SH3GL2: variants seen among roughly 807,000 people sequenced by gnomAD.
SH3GL2 encodes SH3 domain containing GRB2 like 2, endophilin A1, also known as endophilin-A1.
In SH3GL2, 24 loss-of-function variants were observed where a neutral mutation model predicts 46.0. The observed-to-expected ratio is 0.52, with a 90% CI of 0.38 to 0.73. The LOEUF (loss-of-function observed/expected upper bound fraction) is 0.73. SH3GL2 is among the 30% of genes least tolerant of loss of function. The pLI is 0.00. For missense variants in SH3GL2, 413 were observed against 424.2 expected (o/e 0.97, Z 0.23); for synonymous variants, 196 against 147.1 (o/e 1.33, Z -2.40).
intron 1 of SH3GL2, among the ~76,000 whole-genome samples, chr9:17,712,421 T>C (rs1191032300): frequency 1.3e-5 from 2 of 151,864 alleles, no homozygotes; most frequent in Non-Finnish European, 2.9e-5. Flanking sequence ...CTATCTTTTC[T>C]TTCAGAAGTT....
chr9:17,624,956 A>G (rs1588183124), intron 1 of SH3GL2, among the ~76,000 whole-genome samples: 1 of 152,214 alleles, frequency 6.6e-6, no homozygotes, highest in East Asian at 1.9e-4. Context: ...CAATTGGTAA[A>G]TGAGGAATAT....
intron 1 of SH3GL2, among the ~76,000 whole-genome samples, chr9:17,618,263 CAAA>C (rs3837231): frequency 6.6e-6 from 1 of 151,900 alleles, no homozygotes; most frequent in Non-Finnish European, 1.5e-5. Flanking sequence ...ATGCACAGGA[CAAA>C]AAAATACCTC....
At chr9:17,626,720 C>A (rs912954578) in intron 1 of SH3GL2, among the ~76,000 whole-genome samples, 5 of 152,282 alleles carry the variant, frequency 3.3e-5, no homozygotes, top group African/African-American at 1.2e-4. Context: ...GCTCCCATAG[C>A]TTTCTGCAGA....
At chr9:17,647,641 ATAC>A (rs1210734614) in intron 1 of SH3GL2, among the ~76,000 whole-genome samples, 1 of 152,220 alleles carries the variant, frequency 6.6e-6, no homozygotes, top group East Asian at 1.9e-4. Flanking sequence ...GTACCACAGA[ATAC>A]TACTATTACT....
chr9:17,681,990 A>G (rs1214226103), intron 1 of SH3GL2, among the ~76,000 whole-genome samples: 7 of 152,212 alleles, frequency 4.6e-5, no homozygotes. Flanking sequence ...TCATTAGAGA[A>G]ATGCAAATCA....
At chr9:17,768,201 C>T (rs978536323) in intron 3 of SH3GL2, among the ~76,000 whole-genome samples, 1 of 151,686 alleles carries the variant, frequency 6.6e-6, no homozygotes, top group Non-Finnish European at 1.5e-5. Flanking sequence ...GAAACTCTGT[C>T]TCTACTAAAA....
chr9:17,681,333 TC>T, intron 1 of SH3GL2, among the ~76,000 whole-genome samples: 1 of 152,302 alleles, frequency 6.6e-6, no homozygotes, highest in South Asian at 2.1e-4. Flanking sequence ...TTAATGCTTG[TC>T]CTTTTTTGTT....
chr9:17,591,079 A>C (rs562971659), intron 1 of SH3GL2: 7 of 152,248 alleles, frequency 4.6e-5, no homozygotes, highest in African/African-American at 1.2e-4. Flanking sequence ...CACTTTTTAC[A>C]AGCTCTTTCA....
intron 1 of SH3GL2, among the ~76,000 whole-genome samples, chr9:17,686,901 G>C (rs1327916942): frequency 6.7e-6 from 1 of 148,866 alleles, no homozygotes; most frequent in Non-Finnish European, 1.5e-5. Context: ...TAACTAACCT[G>C]CACAATGTGC....
chr9:17,681,870 T>A (rs1820778040), intron 1 of SH3GL2, among the ~76,000 whole-genome samples: 1 of 151,318 alleles, frequency 6.6e-6, no homozygotes, highest in Non-Finnish European at 1.5e-5. Flanking sequence ...AAAAACCCCA[T>A]CAAAAAGTAG....
Position 17,783,928 on chromosome 9 carries a change from G to A in SH3GL2, c.188-2453G>A, listed in dbSNP as rs143760065. On this transcript the variant is annotated intron_variant, in intron 3 of 8. Transcript: ENST00000380607. ...AGTGCTTTAAATTTGTATTTTCCAGGCTCACTCTCAGTTTCTTAAAGTACT... is the reference window on the plus strand; with the variant it reads ...AGTGCTTTAAATTTGTATTTTCCAGACTCACTCTCAGTTTCTTAAAGTACT... 1.4e-3 allele frequency among the ~76,000 whole-genome samples: 219 copies of A among 152,132 alleles called. 2 individuals carry two copies. Among genetic ancestry groups the A allele is most frequent in the African/African-American group, 4.6e-3 (192 of 41,516 alleles).
chr9:17,731,421 A>AAG (rs200219792), intron 1 of SH3GL2, among the ~76,000 whole-genome samples: 2 of 149,760 alleles, frequency 1.3e-5, no homozygotes, highest in Non-Finnish European at 3.0e-5. Flanking sequence ...GGAGGTAGGG[A>AAG]AGAGAGAGAG....
At chr9:17,790,124 A>G (rs1588339566) in intron 6 of SH3GL2, among the ~76,000 whole-genome samples, 1 of 152,150 alleles carries the variant, frequency 6.6e-6, no homozygotes, top group East Asian at 1.9e-4. Context: ...ACATCCAAAG[A>G]CAGGAGCGTA....
At chr9:17,710,048 G>T (rs1246742279) in intron 1 of SH3GL2, among the ~76,000 whole-genome samples, 3 of 151,890 alleles carry the variant, frequency 2.0e-5, no homozygotes, top group African/African-American at 7.3e-5. Flanking sequence ...GGAAGGACTT[G>T]CTATGTTGAA....
At chr9:17,706,833 T>A (rs1252888879) in intron 1 of SH3GL2, among the ~76,000 whole-genome samples, 1 of 152,000 alleles carries the variant, frequency 6.6e-6, no homozygotes, top group East Asian at 1.9e-4. Flanking sequence ...AATGGAATCC[T>A]CTTCTCACGT....
At chr9:17,758,682 A>T (rs531123050) in intron 2 of SH3GL2, among the ~76,000 whole-genome samples, 18 of 151,788 alleles carry the variant, frequency 1.2e-4, no homozygotes, top group Non-Finnish European at 2.1e-4. Flanking sequence ...ATAAAAATGT[A>T]ACTGTATTGA....
intron 1 of SH3GL2, among the ~76,000 whole-genome samples, chr9:17,592,857 A>G (rs1160394499): frequency 6.6e-6 from 1 of 152,172 alleles, no homozygotes; most frequent in Non-Finnish European, 1.5e-5. Flanking sequence ...CAGAAAGACC[A>G]ATGTATGCTT....
chr9:17,779,636 A>G (rs1404205153), intron 3 of SH3GL2, among the ~76,000 whole-genome samples: 3 of 152,152 alleles, frequency 2.0e-5, no homozygotes, highest in Non-Finnish European at 4.4e-5. Context: ...CCTGCCACAT[A>G]TAAAACCACT....
intron 1 of SH3GL2, among the ~76,000 whole-genome samples, chr9:17,678,423 T>G (rs570544208): frequency 1.5e-4 from 23 of 152,344 alleles, no homozygotes; most frequent in African/African-American, 5.5e-4. Flanking sequence ...TTTGGCTGCA[T>G]AAATGTCTTC....
Sources: gnomAD v4.1 joint callset for allele counts (sites outside exome capture counted in the v4.1 genomes callset) on GRCh38, gnomAD v4.1.1 for gene constraint, MANE v1.5 for transcripts, NCBI Gene and HGNC (gene_info 2026-07-23, HGNC 2026-07-21) for gene names.